GCC2: variants seen among roughly 807,000 people sequenced by gnomAD.
GCC2 encodes the protein GRIP and coiled-coil domain-containing protein 2.
In GCC2, 120 loss-of-function variants were observed where a neutral mutation model predicts 210.6. The observed-to-expected ratio is 0.57, with a 90% CI of 0.49 to 0.66. The LOEUF (loss-of-function observed/expected upper bound fraction) is 0.66, where lower values mean the gene tolerates loss of function less well. GCC2 is among the 30% of genes least tolerant of loss of function. The pLI, the probability that GCC2 is intolerant of heterozygous loss-of-function variation, is 0.00. For missense variants in GCC2, 1,868 were observed against 1,871.9 expected (o/e 1.00, Z 0.04); for synonymous variants, 703 against 652.7 (o/e 1.08, Z -1.17).
intron 1 of GCC2, 29 bp from the exon 2 acceptor site, chr2:108,449,604 T>A (rs1679797995): frequency 1.9e-6 from 3 of 1,606,588 alleles, no homozygotes; most frequent in African/African-American, 1.3e-5. Flanking sequence ...AGAGTTCTTC[T>A]GACACCTGGG....
At chr2:108,482,645 C>T (rs937845267) in intron 11 of GCC2, among the ~76,000 whole-genome samples, 194 bp downstream of exon 11, 5 of 152,032 alleles carry the variant, frequency 3.3e-5, no homozygotes, top group Admixed American at 2.6e-4. Context: ...TGAAATATTA[C>T]CAAACTTTTT....
At position 108,452,382 on chromosome 2, in the gene GCC2, AT is replaced by A. The variant is rs763900569; in HGVS notation, c.149-11del. Reference sequence around the variant, plus strand: ...CTTTATTTCTGAACCGGAGTCCTTTATTTTTTAATTGTTTAGAATTGGAGAA... The same window carrying A: ...CTTTATTTCTGAACCGGAGTCCTTTATTTTTAATTGTTTAGAATTGGAGAA... On this transcript the variant is annotated splice_polypyrimidine_tract_variant and intron_variant, in intron 3 of 22. Coordinates refer to ENST00000309863, the MANE Select transcript of GCC2 (RefSeq NM_181453.4). 7.3e-7 allele frequency: 1 copy of A among 1,364,032 alleles called. No individual in the cohort carries two copies. Among genetic ancestry groups the A allele is most frequent in the Admixed American group, 1.7e-5 (1 of 58,482 alleles). The allele number at this position is 1,364,032 out of a possible 1,614,324, so 84.5% of individuals were successfully genotyped here.
rs1429332630 is a variant in GCC2 at position 108,509,361 on chromosome 2, GATT to G, written c.*1735_*1737del. The G allele has an allele frequency of 6.6e-6, 1 of 152,254 alleles. No individual in the cohort carries two copies. Among genetic ancestry groups the G allele is most frequent in the Non-Finnish European group, 1.5e-5 (1 of 68,022 alleles). 9.4% of individuals were successfully genotyped at this position (152,254 alleles called of 1,614,324 possible). A position where few individuals can be genotyped will look rare whatever the true frequency, so the allele number is the denominator to read the frequency against. ...TTTCTGCAATGAGAGGAAGTGTAAT[GATT>G]ATTTTAATATTTCTATTAAATATGT... On this transcript the variant is annotated 3_prime_UTR_variant, in exon 23 of 23. Transcript: ENST00000309863.
intron 3 of GCC2, among the ~76,000 whole-genome samples, chr2:108,451,316 C>A (rs1679931926): frequency 6.6e-6 from 1 of 152,164 alleles, no homozygotes; most frequent in South Asian, 2.1e-4. Flanking sequence ...ACCACAGTGA[C>A]TTTTGAGTTG....
rs1681194263 is a variant in GCC2, at chr2:108,471,176, A to G, written c.1847A>G (p.Lys616Arg). ...SHEEMDNFHKKCEREERLILE... is the reference protein window; with the variant it reads ...SHEEMDNFHKRCEREERLILE... ...GAAGAAATGGATAATTTCCATAAGA[A>G]ATGTGAAAGGGAAGAAAGATTGATT... Residue 616 changes from lysine (K) to arginine (R), a missense_variant, in exon 6 of 23, where the codon AAA becomes AGA. Coordinates refer to ENST00000309863, the MANE Select transcript of GCC2 (RefSeq NM_181453.4). 1 of 1,601,824 alleles carries G rather than the reference A, an allele frequency of 6.2e-7. No individual in the cohort carries two copies. The highest frequency in any genetic ancestry group is 1.3e-5 in the African/African-American group (1 of 74,372).
At position 108,471,569 on chromosome 2, in the gene GCC2, A is replaced by T. The variant is rs762645439; in HGVS notation, c.2240A>T (p.Asn747Ile). 8.1e-6 allele frequency: 13 copies of T among 1,609,648 alleles called. No homozygotes were observed. In the East Asian group the frequency reaches 2.9e-4, roughly 36 times the overall value. The change falls in exon 6 of 23, where the codon AAT becomes ATT. Residue 747 changes from asparagine (N) to isoleucine (I), a missense_variant. Physicochemically the swap from Asn to Ile is moderately radical, Grantham distance 149 (BLOSUM62 -3). Coordinates refer to ENST00000309863, the MANE Select transcript of GCC2 (RefSeq NM_181453.4). ...EQDNLNKLLE[N>I]EQVQKLFVKT... Reference sequence around the variant, plus strand: ...GATAATTTAAATAAACTGCTTGAAAATGAGCAAGTTCAGAAGTTATTTGTT... The same window carrying T: ...GATAATTTAAATAAACTGCTTGAAATTGAGCAAGTTCAGAAGTTATTTGTT...
chr2:108,505,808 T>A lies in GCC2; in HGVS notation c.4985-1752T>A, dbSNP rs1319723571. On this transcript the variant is annotated intron_variant, in intron 22 of 22. Coordinates refer to ENST00000309863, the MANE Select transcript of GCC2 (RefSeq NM_181453.4). ...ACAGAAACTGTGAAATAAATATGTGTTAAGGTACTAACTTTGTAATTTGTT... is the reference window on the plus strand; with the variant it reads ...ACAGAAACTGTGAAATAAATATGTGATAAGGTACTAACTTTGTAATTTGTT... 1.3e-5 allele frequency among the ~76,000 whole-genome samples: 2 copies of A among 152,172 alleles called. 1 individual carries two copies. Among genetic ancestry groups the A allele is most frequent in the Admixed American group, 1.3e-4 (2 of 15,278 alleles).
rs1573365867 is a variant in GCC2, at chr2:108,469,019, G to A, written c.256G>A (p.Ala86Thr). 1.2e-6 allele frequency: 2 copies of A among 1,613,068 alleles called. No homozygotes were observed. The highest frequency in any genetic ancestry group is 2.2e-5 in the East Asian group (1 of 44,802). The change falls in exon 5 of 23, where the codon GCA (alanine) becomes ACA (threonine). Residue 86 changes from alanine (A) to threonine (T), a missense_variant. Coordinates refer to ENST00000309863, the MANE Select transcript of GCC2 (RefSeq NM_181453.4). Reference protein sequence around the residue: ...ERLDALLLEKAETEQQCLSLK... With the variant: ...ERLDALLLEKTETEQQCLSLK... ...TCTGGATGCTCTTCTTCTGGAAAAA[G>A]CAGAGACTGAGCAACAGTGTCTTTC...
chr2:108,483,962 T>C (rs977087813), intron 12 of GCC2, among the ~76,000 whole-genome samples, 187 bp from the exon 13 acceptor site: 4 of 152,210 alleles, frequency 2.6e-5, no homozygotes, highest in African/African-American at 9.6e-5. Context: ...GAAAATATTT[T>C]GTGAAATTAA....
rs1413119293 is a variant in GCC2, at chr2:108,485,737, G to A, written c.3714+1G>A. 1 of 1,562,190 alleles carries A rather than the reference G, an allele frequency of 6.4e-7. No individual in the cohort carries two copies. Among genetic ancestry groups the A allele is most frequent in the Non-Finnish European group, 8.7e-7 (1 of 1,151,796 alleles). ...GGAACTGGCAGATTCAAAGCAAGCA[G>A]TATGTTAATTTTTCAGTTTCATATT... On this transcript the variant is annotated splice_donor_variant, in intron 14 of 22. Transcript: ENST00000309863. LOFTEE classifies it high-confidence loss of function.
chr2:108,452,166 C>T (rs544665089), intron 3 of GCC2, among the ~76,000 whole-genome samples: 10 of 152,168 alleles, frequency 6.6e-5, no homozygotes, highest in African/African-American at 2.2e-4. Context: ...TGAAAATTAT[C>T]AGATGGATAA....
At position 108,451,501 on chromosome 2, in the gene GCC2, A is replaced by G. The variant is rs1263360914; in HGVS notation, c.148+389A>G. On this transcript the variant is annotated intron_variant, in intron 3 of 22. Coordinates refer to ENST00000309863, the MANE Select transcript of GCC2 (RefSeq NM_181453.4). ...ATGGAAAGCTTCCTCAATTAAAATA[A>G]TAAAAGACTTCCATTTACAGATATT... 2.6e-5 allele frequency among the ~76,000 whole-genome samples: 4 copies of G among 152,334 alleles called. No homozygotes were observed. In the East Asian group the frequency reaches 7.7e-4, roughly 29 times the overall value.
rs761923647 is a variant in GCC2, at chr2:108,469,895, A to G, written c.566A>G (p.Lys189Arg). ...NVKKLQEEIE[K>R]IRPGFEEQIL... Reference sequence around the variant, plus strand: ...AAAAAACTACAAGAAGAGATTGAGAAAATTAGGCCAGGCTTTGAGGAGCAA... The same window carrying G: ...AAAAAACTACAAGAAGAGATTGAGAGAATTAGGCCAGGCTTTGAGGAGCAA... The change falls in exon 6 of 23, where the codon AAA becomes AGA. Residue 189 changes from lysine to arginine, a missense_variant. This residue lies in a region of GCC2 where 1,847 missense variants were observed against 1,765.2 expected (regional missense o/e 1.05). Transcript: ENST00000309863. 6.2e-7 allele frequency: 1 copy of G among 1,613,420 alleles called. No homozygotes were observed. The highest frequency in any genetic ancestry group is 8.5e-7 in the Non-Finnish European group (1 of 1,179,702).
chr2:108,456,392 T>A (rs998942845), intron 4 of GCC2, among the ~76,000 whole-genome samples: 3 of 152,242 alleles, frequency 2.0e-5, no homozygotes, highest in Non-Finnish European at 4.4e-5. Context: ...TTACTTTTTT[T>A]CTTCTTAATA....
chr2:108,477,383 A>T (rs1242722615), intron 9 of GCC2, among the ~76,000 whole-genome samples: 3 of 152,328 alleles, frequency 2.0e-5, no homozygotes, highest in African/African-American at 7.2e-5. Flanking sequence ...TATTAGCATC[A>T]ACACTTTACA....
chr2:108,485,716 C>T lies in GCC2; in HGVS notation c.3694C>T (p.Leu1232=), dbSNP rs753998058. ...ATTGCTTGTGAAAACCAAAAAGGAA[C>T]TGGCAGATTCAAAGCAAGCAGTATG... ...KQLLVKTKKE[L]ADSKQAETDH... Residue 1232 remains leucine (L), a synonymous_variant, in exon 14 of 23, where the codon CTG becomes TTG. Coordinates refer to ENST00000309863, the MANE Select transcript of GCC2 (RefSeq NM_181453.4). 7.5e-6 allele frequency: 12 copies of T among 1,590,704 alleles called. No individual in the cohort carries two copies. The highest frequency in any genetic ancestry group is 1.7e-4 in the Middle Eastern group (1 of 5,922).
chr2:108,472,184 A>G (rs1681270018), intron 6 of GCC2, 68 bp downstream of exon 6: 1 of 1,084,444 alleles, frequency 9.2e-7, no homozygotes, highest in Non-Finnish European at 1.3e-6. Flanking sequence ...TATACGTTAA[A>G]CATTTTTACA....
intron 22 of GCC2, among the ~76,000 whole-genome samples, chr2:108,506,992 T>A (rs1573250295): frequency 6.6e-6 from 1 of 152,216 alleles, no homozygotes; most frequent in Non-Finnish European, 1.5e-5. Context: ...TTGCTTCATG[T>A]TGCTTATCAA....
At chr2:108,476,518 A>G (rs947663710) in intron 9 of GCC2, among the ~76,000 whole-genome samples, 1 of 152,236 alleles carries the variant, frequency 6.6e-6, no homozygotes, top group African/African-American at 2.4e-5. Flanking sequence ...AAGCATTGTT[A>G]TTTGGAGGCA....
Sources: allele counts gnomAD v4.1 joint callset (sites outside exome capture counted in the v4.1 genomes callset), GRCh38; gene constraint gnomAD v4.1.1; regional missense constraint gnomAD v4.1.1; transcripts MANE v1.5; gene names NCBI Gene and HGNC (gene_info 2026-07-23, HGNC 2026-07-21).